The following SHROOM3 variants were observed in gnomAD, a reference collection of about 807,000 sequenced individuals.
The protein encoded by SHROOM3 is shroom family member 3.
A neutral mutation model predicts 138.6 loss-of-function variants in SHROOM3; 47 were observed. That is an observed-to-expected ratio of 0.34 (90% CI 0.27 to 0.43). The LOEUF (loss-of-function observed/expected upper bound fraction) is 0.43, where lower values mean the gene tolerates loss of function less well. Among genes scored for constraint, SHROOM3 ranks in the 20% least tolerant of loss-of-function variants. SHROOM3 has a pLI of 1.00. For synonymous variants in SHROOM3, 1,062 were observed against 1,063.3 expected, an observed-to-expected ratio of 1.00 and a Z score of 0.02; for missense variants, 2,491 against 2,596.5, an observed-to-expected ratio of 0.96 and a Z score of 0.88.
intron 2 of SHROOM3, among the ~76,000 whole-genome samples, chr4:76,670,922 G>T (rs1318713572): frequency 1.3e-5 from 2 of 152,052 alleles, no homozygotes; most frequent in Non-Finnish European, 2.9e-5. Flanking sequence ...ACCCCAGGCT[G>T]GGTGCAGAGT....
At chr4:76,764,555 T>C (rs1722088261) in intron 9 of SHROOM3, among the ~76,000 whole-genome samples, 1 of 152,244 alleles carries the variant, frequency 6.6e-6, no homozygotes, top group Non-Finnish European at 1.5e-5. Context: ...TAACACATTC[T>C]TTTAGTTTTC....
chr4:76,502,973 T>C (rs1290130297), intron 1 of SHROOM3, among the ~76,000 whole-genome samples: 1 of 152,224 alleles, frequency 6.6e-6, no homozygotes, highest in African/African-American at 2.4e-5. Flanking sequence ...TTTTCTTGTA[T>C]GCTATGTTCT....
intron 2 of SHROOM3, among the ~76,000 whole-genome samples, chr4:76,679,481 T>TA (rs956213777): frequency 6.6e-6 from 1 of 152,162 alleles, no homozygotes; most frequent in African/African-American, 2.4e-5. Context: ...CATGCTTAAA[T>TA]CTTCTATGCT....
At chr4:76,633,052 T>C (rs1482904342) in intron 2 of SHROOM3, among the ~76,000 whole-genome samples, 1 of 152,168 alleles carries the variant, frequency 6.6e-6, no homozygotes, top group East Asian at 1.9e-4. Context: ...ACGACTATTC[T>C]AAACTCCAGG....
chr4:76,710,343 G>A (rs1052663682), intron 3 of SHROOM3, 56 bp downstream of exon 3: 3 of 1,607,308 alleles, frequency 1.9e-6, no homozygotes, highest in Non-Finnish European at 8.5e-7. Flanking sequence ...AGTCCAAAAA[G>A]CCACTCAGCT....
chr4:76,446,424 G>C (rs112225343), intron 1 of SHROOM3, among the ~76,000 whole-genome samples: 1 of 73,866 alleles, frequency 1.4e-5, no homozygotes, highest in Non-Finnish European at 4.5e-5. Flanking sequence ...TGGCGGCGGT[G>C]GGGGATGCAC....
chr4:76,529,483 A>AT (rs1283369583), intron 1 of SHROOM3, among the ~76,000 whole-genome samples: 1 of 151,808 alleles, frequency 6.6e-6, no homozygotes, highest in Non-Finnish European at 1.5e-5. Context: ...CACCCAGCTA[A>AT]TTTTTTGTGT....
intron 2 of SHROOM3, among the ~76,000 whole-genome samples, chr4:76,579,173 AAAAT>A (rs1194184886): frequency 6.9e-6 from 1 of 145,760 alleles, no homozygotes; most frequent in Non-Finnish European, 1.5e-5. Context: ...AGTGTCTCAA[AAAAT>A]AAATAAACAG....
chr4:76,619,598 G>A (rs1340916166), intron 2 of SHROOM3, among the ~76,000 whole-genome samples: 2 of 152,172 alleles, frequency 1.3e-5, no homozygotes, highest in East Asian at 3.9e-4. Flanking sequence ...CAGAAGTTCA[G>A]TGGAAACATG....
intron 2 of SHROOM3, among the ~76,000 whole-genome samples, chr4:76,681,976 T>C (rs986157941): frequency 1.3e-5 from 2 of 152,136 alleles, no homozygotes; most frequent in Non-Finnish European, 2.9e-5. Flanking sequence ...AACTCTCTGC[T>C]TCTCTGGAGC....
chr4:76,646,003 T>G (rs1257244220), intron 2 of SHROOM3, among the ~76,000 whole-genome samples: 1 of 151,906 alleles, frequency 6.6e-6, no homozygotes, highest in Non-Finnish European at 1.5e-5. Flanking sequence ...GGCAACTAGC[T>G]TCCATCTGAA....
intron 1 of SHROOM3, among the ~76,000 whole-genome samples, chr4:76,489,766 A>T (rs1190149891): frequency 1.3e-5 from 2 of 152,300 alleles, no homozygotes; most frequent in East Asian, 3.9e-4. Context: ...ACCCGTTTAT[A>T]AAATGGATAT....
chr4:76,734,779 T>A (rs573483211), intron 4 of SHROOM3, among the ~76,000 whole-genome samples: 411 of 152,338 alleles, frequency 2.7e-3, no homozygotes, highest in Non-Finnish European at 4.4e-3. Context: ...TCACTTCAGT[T>A]CTTTAAATAT....
At chr4:76,585,260 A>C (rs1461119322) in intron 2 of SHROOM3, among the ~76,000 whole-genome samples, 2 of 152,108 alleles carry the variant, frequency 1.3e-5, no homozygotes, top group Non-Finnish European at 2.9e-5. Context: ...TAACCTGCAA[A>C]TCTTGTTCAA....
At chr4:76,548,462 C>T (rs760957713) in intron 1 of SHROOM3, among the ~76,000 whole-genome samples, 1 of 152,174 alleles carries the variant, frequency 6.6e-6, no homozygotes, top group Non-Finnish European at 1.5e-5. Flanking sequence ...AAGAGATGGG[C>T]CTGGCTTTCT....
intron 1 of SHROOM3, among the ~76,000 whole-genome samples, chr4:76,483,486 G>A (rs1327994860): frequency 6.6e-6 from 1 of 152,164 alleles, no homozygotes; most frequent in African/African-American, 2.4e-5. Flanking sequence ...TCATTAGAAA[G>A]GCAGGAAACA....
At chr4:76,730,268 C>T (rs1199824875) in intron 3 of SHROOM3, among the ~76,000 whole-genome samples, 3 of 152,208 alleles carry the variant, frequency 2.0e-5, no homozygotes, top group African/African-American at 7.2e-5. Context: ...TAGCTTAGAG[C>T]AGTGTTCACA....
chr4:76,782,992 C>T lies in SHROOM3; in HGVS notation c.*3815C>T, dbSNP rs1288231755. ...CAAAGTGTGGTCAGGATACGATCTG[C>T]ATCAGAATCCTTGGAATGCTTGTTA... On this transcript the variant is annotated 3_prime_UTR_variant, in exon 11 of 11. Coordinates refer to ENST00000296043, the MANE Select transcript of SHROOM3 (RefSeq NM_020859.4). 2 of 152,164 alleles carry T rather than the reference C, an allele frequency of 1.3e-5. No individual in the cohort carries two copies. Among genetic ancestry groups the T allele is most frequent in the African/African-American group, 4.8e-5 (2 of 41,432 alleles). The allele number at this position is 152,164 out of a possible 1,614,324, so 9.4% of individuals were successfully genotyped here. A position where few individuals can be genotyped will look rare whatever the true frequency, so the allele number is the denominator to read the frequency against.
intron 2 of SHROOM3, among the ~76,000 whole-genome samples, chr4:76,592,915 C>A (rs1363005575): frequency 6.6e-6 from 1 of 152,142 alleles, no homozygotes; most frequent in Admixed American, 6.5e-5. Flanking sequence ...AGCAAGATTA[C>A]CTTTTGAGGC....
Sources: gnomAD v4.1 joint callset for allele counts (sites outside exome capture counted in the v4.1 genomes callset) on GRCh38, gnomAD v4.1.1 for gene constraint, MANE v1.5 for transcripts, NCBI Gene and HGNC (gene_info 2026-07-23, HGNC 2026-07-21) for gene names.